The following CBFA2T3 variants were observed in gnomAD, a reference collection of about 807,000 sequenced individuals.
CBFA2T3 encodes the protein transcriptional corepressor CBFA2T3.
CBFA2T3 carries 31 observed loss-of-function variants against 58.6 expected under a neutral mutation model. That is an observed-to-expected ratio of 0.53 (90% CI 0.40 to 0.71). The LOEUF (loss-of-function observed/expected upper bound fraction) is 0.71. Among genes scored for constraint, CBFA2T3 ranks in the 30% least tolerant of loss-of-function variants. The pLI is 0.00. For missense variants in CBFA2T3, 1,076 were observed against 963.1 expected (o/e 1.12, Z -1.55); for synonymous variants, 531 against 421.9 (o/e 1.26, Z -3.17).
At chr16:88,954,295 T>G (rs1258812529) in intron 1 of CBFA2T3, among the ~76,000 whole-genome samples, 1 of 151,608 alleles carries the variant, frequency 6.6e-6, no homozygotes. Flanking sequence ...TGCCCAAGTC[T>G]CCTGACCCAC....
At chr16:88,893,357 C>G (rs1969730423) in intron 3 of CBFA2T3, among the ~76,000 whole-genome samples, 1 of 151,734 alleles carries the variant, frequency 6.6e-6, no homozygotes, top group African/African-American at 2.4e-5. Flanking sequence ...CAGGTGCTTT[C>G]CAGCAGAGCA....
chr16:88,904,368 C>T (rs475796), intron 1 of CBFA2T3, among the ~76,000 whole-genome samples: 3 of 151,722 alleles, frequency 2.0e-5, no homozygotes, highest in Non-Finnish European at 2.9e-5. Flanking sequence ...TTTACTAGGA[C>T]GGACCAGGCT....
At chr16:88,946,526 A>G (rs1019387150) in intron 1 of CBFA2T3, among the ~76,000 whole-genome samples, 2 of 151,726 alleles carry the variant, frequency 1.3e-5, no homozygotes, top group African/African-American at 4.8e-5. Flanking sequence ...CTTGTCTCCC[A>G]GACTGGAGTG....
intron 1 of CBFA2T3, among the ~76,000 whole-genome samples, chr16:88,973,396 C>A (rs1312506297): frequency 2.6e-5 from 4 of 152,192 alleles, no homozygotes; most frequent in Non-Finnish European, 5.9e-5. Context: ...CCTGGAGGAG[C>A]ACGGCCATCT....
At chr16:88,962,408 C>G (rs1018146521) in intron 1 of CBFA2T3, among the ~76,000 whole-genome samples, 2 of 152,254 alleles carry the variant, frequency 1.3e-5, no homozygotes, top group African/African-American at 4.8e-5. Context: ...GAATGCACTT[C>G]CCAGGCTGCT....
At chr16:88,908,802 G>A (rs921767855) in intron 1 of CBFA2T3, among the ~76,000 whole-genome samples, 2 of 152,272 alleles carry the variant, frequency 1.3e-5, no homozygotes, top group Admixed American at 6.5e-5. Context: ...AGGTAACGCA[G>A]GTGACCTGTC....
At chr16:88,911,790 C>T (rs565831518) in intron 1 of CBFA2T3, among the ~76,000 whole-genome samples, 2 of 152,282 alleles carry the variant, frequency 1.3e-5, no homozygotes, top group Non-Finnish European at 2.9e-5. Flanking sequence ...GTCTTTGGCA[C>T]TGTGCCCAGA....
At chr16:88,942,792 C>T (rs1971787558) in intron 1 of CBFA2T3, among the ~76,000 whole-genome samples, 1 of 152,176 alleles carries the variant, frequency 6.6e-6, no homozygotes, top group Non-Finnish European at 1.5e-5. Context: ...TCAGACTGTG[C>T]GTAACATGGT....
chr16:88,900,806 T>C (rs1970065367), intron 2 of CBFA2T3, among the ~76,000 whole-genome samples: 1 of 152,232 alleles, frequency 6.6e-6, no homozygotes, highest in Non-Finnish European at 1.5e-5. Flanking sequence ...CGGGTGACTG[T>C]GATGAGAACT....
intron 7 of CBFA2T3, 182 bp downstream of exon 7, chr16:88,884,864 C>G: frequency 3.6e-6 from 2 of 555,704 alleles, no homozygotes; most frequent in Non-Finnish European, 6.3e-6. Context: ...GGGCCCAGGA[C>G]AGGCCCCTCT....
rs550748493 is a variant in CBFA2T3, at chr16:88,880,775, C to A, written c.1416G>T (p.Glu472Asp). ...AGCCGGTGAGGGTCCTCGGCAGGAA[C>A]TCGCGAGGCACGTCTGAAACAGGGG... ...PEGPQLDVPR[E>D]FLPRTLTGYV... Residue 472 changes from glutamate (E) to aspartate (D), a missense_variant, in exon 10 of 12, where the codon GAG becomes GAT. Coordinates refer to ENST00000268679, the MANE Select transcript of CBFA2T3 (RefSeq NM_005187.6). 3 of 1,584,808 alleles carry A rather than the reference C, an allele frequency of 1.9e-6. No homozygotes were observed. The East Asian group carries it at 6.9e-5, about 37-fold the overall frequency.
chr16:88,901,768 G>A (rs1348399999), intron 1 of CBFA2T3, 112 bp from the exon 2 acceptor site: 2 of 965,544 alleles, frequency 2.1e-6, no homozygotes, highest in African/African-American at 3.5e-5. Context: ...CCCAGCGCTG[G>A]GGCAGTCTGC....
intron 1 of CBFA2T3, among the ~76,000 whole-genome samples, chr16:88,945,187 G>A (rs557040092): frequency 3.9e-5 from 6 of 152,270 alleles, no homozygotes; most frequent in Non-Finnish European, 7.3e-5. Flanking sequence ...AGCCACTGTC[G>A]TTCATTAAAA....
At chr16:88,968,664 G>A (rs951921498) in intron 1 of CBFA2T3, among the ~76,000 whole-genome samples, 12 of 152,238 alleles carry the variant, frequency 7.9e-5, no homozygotes, top group African/African-American at 1.2e-4. Context: ...CTGTCAGTCC[G>A]TCTGTCTGGG....
chr16:88,942,311 T>C (rs753059660), intron 1 of CBFA2T3, among the ~76,000 whole-genome samples: 1 of 152,160 alleles, frequency 6.6e-6, no homozygotes, highest in Non-Finnish European at 1.5e-5. Context: ...GCTCTTACTT[T>C]AGACACAAGC....
chr16:88,880,744 G>A lies in CBFA2T3; in HGVS notation c.1447C>T (p.Pro483Ser). 1 of 1,576,138 alleles carries A rather than the reference G, an allele frequency of 6.3e-7. No individual in the cohort carries two copies. The highest frequency in any genetic ancestry group is 8.6e-7 in the Non-Finnish European group (1 of 1,160,394). The change falls in exon 10 of 12, where the codon CCT becomes TCT. Residue 483 changes from proline (P) to serine (S), a missense_variant. Pro to Ser is a moderately conservative substitution (Grantham distance 74). Coordinates refer to ENST00000268679, the MANE Select transcript of CBFA2T3 (RefSeq NM_005187.6). ...FLPRTLTGYV[P>S]EDIWRKAEEA... ...CCAGCCTTCCTCCAGATGTCCTCAG[G>A]CACGTAGCCGGTGAGGGTCCTCGGC...
At chr16:88,974,530 G>A (rs1297846693) in intron 1 of CBFA2T3, among the ~76,000 whole-genome samples, 8 of 152,124 alleles carry the variant, frequency 5.3e-5, no homozygotes, top group African/African-American at 1.9e-4. Context: ...CGTCTCTCCT[G>A]CCCGCCACCA....
At chr16:88,954,153 AC>A (rs1259589012) in intron 1 of CBFA2T3, among the ~76,000 whole-genome samples, 1 of 152,064 alleles carries the variant, frequency 6.6e-6, no homozygotes, top group Non-Finnish European at 1.5e-5. Context: ...CCCTCTGACC[AC>A]AGTGGGCTCC....
chr16:88,911,882 C>A (rs893972171), intron 1 of CBFA2T3, among the ~76,000 whole-genome samples: 1 of 151,150 alleles, frequency 6.6e-6, no homozygotes, highest in Non-Finnish European at 1.5e-5. Context: ...GAAGACCCCC[C>A]CTCCTGCCTC....
Sources: allele counts gnomAD v4.1 joint callset (sites outside exome capture counted in the v4.1 genomes callset), GRCh38; gene constraint gnomAD v4.1.1; transcripts MANE v1.5; gene names NCBI Gene and HGNC (gene_info 2026-07-23, HGNC 2026-07-21).